Variants in TENM1 observed in about 807,000 individuals in gnomAD.
TENM1 encodes the protein teneurin-1.
TENM1 carries 35 observed loss-of-function variants against 174.8 expected under a neutral mutation model. That is an observed-to-expected ratio of 0.20 (90% CI 0.15 to 0.27). The LOEUF (loss-of-function observed/expected upper bound fraction) is 0.27. Ranked by LOEUF, TENM1 falls within the 10% of genes least tolerant of loss-of-function variation. TENM1 has a pLI of 1.00. For missense variants in TENM1, 1,633 were observed against 2,130.1 expected, an observed-to-expected ratio of 0.77 and a Z score of 4.59; for synonymous variants, 781 against 798.7, an observed-to-expected ratio of 0.98 and a Z score of 0.37.
rs201431896 is a variant in TENM1, at chrX:124,830,750, GA to G, written c.535+63545del. ...AGGGCTATGGTATTCGTATAATGAA[GA>G]AAAAAAATCAAAGCTTTTTCTAAAC... is the stretch of plus-strand genomic sequence containing the variant. On this transcript the variant is annotated intron_variant, in intron 3 of 31. Coordinates refer to ENST00000422452, the Ensembl canonical transcript of TENM1. Among the ~76,000 whole-genome samples the G allele has an allele frequency of 5.9e-3, 659 of 110,902 alleles. 7 individuals carry two copies. Among genetic ancestry groups the G allele is most frequent in the African/African-American group, 0.019 (565 of 30,479 alleles).
At chrX:124,460,542 C>G (rs988250920) in intron 22 of TENM1, among the ~76,000 whole-genome samples, 3 of 110,140 alleles carry the variant, frequency 2.7e-5, no homozygotes, top group Non-Finnish European at 5.7e-5. Flanking sequence ...AACACATAGA[C>G]ACATAGAGGG....
At chrX:124,754,909 TA>T (rs1258411740) in intron 3 of TENM1, among the ~76,000 whole-genome samples, 1 of 106,203 alleles carries the variant, frequency 9.4e-6, no homozygotes, top group Non-Finnish European at 1.9e-5. Context: ...TACTTCCAAC[TA>T]TGTGGTCAAT....
At chrX:125,157,726 A>G in the TENM1 span, among the ~76,000 whole-genome samples, 3 of 112,236 alleles carry the variant, frequency 2.7e-5, no homozygotes, top group Non-Finnish European at 3.8e-5. Context: ...CAAGGTATAA[A>G]AAAGCATTCC....
rs771837187 is a variant in TENM1, at chrX:124,603,997, T to C, written c.2077+37794A>G. On this transcript the variant is annotated intron_variant, in intron 11 of 31. Transcript: ENST00000422452. ...AATAAAATCATTACACCTTATGTAG[T>C]AGTTGTTTCTTTTGATCACAATAAC... Among the ~76,000 whole-genome samples the C allele has an allele frequency of 6.3e-5, 7 of 111,745 alleles. No homozygotes were observed. In the East Asian group the frequency reaches 2.0e-3, roughly 31 times the overall value.
At chrX:124,391,550 C>T (rs758569425) in intron 28 of TENM1, among the ~76,000 whole-genome samples, 1 of 111,292 alleles carries the variant, frequency 9.0e-6, no homozygotes, top group African/African-American at 3.3e-5. Flanking sequence ...AGAGTATTAC[C>T]AATGAGGCCC....
chrX:124,426,731 A>T (rs2060721621), intron 23 of TENM1, among the ~76,000 whole-genome samples: 1 of 111,841 alleles, frequency 8.9e-6, no homozygotes, highest in South Asian at 3.8e-4. Flanking sequence ...TGCAGCTAGG[A>T]ATTTGAGTGC....
chrX:124,748,470 A>G (rs943249886), intron 3 of TENM1, among the ~76,000 whole-genome samples: 1 of 111,011 alleles, frequency 9.0e-6, no homozygotes, highest in Admixed American at 9.6e-5. Flanking sequence ...GGCTTATCCT[A>G]CTTATAACTT....
chrX:124,887,468 G>T (rs887826605), intron 3 of TENM1, among the ~76,000 whole-genome samples: 1 of 111,084 alleles, frequency 9.0e-6, no homozygotes, highest in African/African-American at 3.3e-5. Context: ...GAGGGAGGGG[G>T]ATGATACACT....
At chrX:124,601,600 A>C (rs947379912) in intron 11 of TENM1, among the ~76,000 whole-genome samples, 14 of 111,353 alleles carry the variant, frequency 1.3e-4, no homozygotes, top group African/African-American at 4.2e-4. Context: ...GAGAATAACA[A>C]AATGAGGTAA....
chrX:125,029,075 G>C, the TENM1 span, among the ~76,000 whole-genome samples: 2 of 111,465 alleles, frequency 1.8e-5, no homozygotes, highest in Non-Finnish European at 3.8e-5. Context: ...TTAGGAACTA[G>C]CATAGCATTA....
chrX:124,463,077 T>TC (rs2061196859), intron 22 of TENM1, among the ~76,000 whole-genome samples: 1 of 111,429 alleles, frequency 9.0e-6, no homozygotes, highest in African/African-American at 3.3e-5. Context: ...ATGACACCGC[T>TC]CCCCCCACCA....
intron 5 of TENM1, among the ~76,000 whole-genome samples, chrX:124,678,543 GAATA>G (rs991958786): frequency 2.7e-5 from 3 of 111,149 alleles, no homozygotes; most frequent in Non-Finnish European, 5.7e-5. Flanking sequence ...TAAGCTGAAT[GAATA>G]GTTTCATTGT....
chrX:124,894,443 TA>T (rs754062868), intron 2 of TENM1, 91 bp from the exon 6 acceptor site: 17 of 613,907 alleles, frequency 2.8e-5, no homozygotes, highest in East Asian at 1.5e-4. Context: ...TAGTGGTGCT[TA>T]AAAAAAACCC....
At chrX:125,118,562 A>C in the TENM1 span, among the ~76,000 whole-genome samples, 1 of 111,495 alleles carries the variant, frequency 9.0e-6, no homozygotes, top group Non-Finnish European at 1.9e-5. Flanking sequence ...TTACGACTCA[A>C]TAATAAGAAG....
At chrX:124,730,602 C>T (rs1269833286) in intron 4 of TENM1, among the ~76,000 whole-genome samples, 6 of 111,477 alleles carry the variant, frequency 5.4e-5, no homozygotes, top group Admixed American at 9.5e-5. Flanking sequence ...ACAAAAGCGT[C>T]GTAGGAGGAA....
At chrX:124,861,649 A>G (rs958782711) in intron 3 of TENM1, among the ~76,000 whole-genome samples, 1 of 112,254 alleles carries the variant, frequency 8.9e-6, no homozygotes, top group Non-Finnish European at 1.9e-5. Context: ...TTATATCTTC[A>G]TAAACTAAAA....
intron 18 of TENM1, among the ~76,000 whole-genome samples, chrX:124,508,266 G>T (rs2047496593): frequency 8.9e-6 from 1 of 112,238 alleles, no homozygotes; most frequent in South Asian, 3.7e-4. Context: ...ACTGCCCAGT[G>T]GCCTGAAATA....
At chrX:125,014,911 GAT>G in the TENM1 span, among the ~76,000 whole-genome samples, 2 of 111,927 alleles carry the variant, frequency 1.8e-5, no homozygotes, top group African/African-American at 6.5e-5. Flanking sequence ...ATCAAAAAGA[GAT>G]ATGTGTTTGA....
chrX:124,553,623 TAAA>T (rs767529045), intron 14 of TENM1, among the ~76,000 whole-genome samples: 38 of 79,056 alleles, frequency 4.8e-4, no homozygotes, highest in African/African-American at 1.5e-3. Flanking sequence ...ATCTTGCCTT[TAAA>T]AAAAAAAAAA....
Sources: allele counts gnomAD v4.1 joint callset (sites outside exome capture counted in the v4.1 genomes callset), GRCh38; gene constraint gnomAD v4.1.1; transcripts MANE v1.5; gene names NCBI Gene and HGNC (gene_info 2026-07-23, HGNC 2026-07-21).